The following ACO2 variants were observed in gnomAD, a reference collection of about 807,000 sequenced individuals.
ACO2 encodes aconitase 2.
In ACO2, 31 loss-of-function variants were observed where a neutral mutation model predicts 84.5. The observed-to-expected ratio is 0.37, with a 90% CI of 0.28 to 0.50. ACO2 has a LOEUF of 0.50. ACO2 is among the 20% of genes least tolerant of loss of function. ACO2 has a pLI of 0.97. For missense variants in ACO2, 685 were observed against 1,029.3 expected, an observed-to-expected ratio of 0.67 and a Z score of 4.58; for synonymous variants, 414 against 412.7, an observed-to-expected ratio of 1.00 and a Z score of -0.04.
chr22:41,527,805 G>A, intron 16 of ACO2, 96 bp from the exon 17 acceptor site: 1 of 1,585,438 alleles, frequency 6.3e-7, no homozygotes, highest in Non-Finnish European at 8.6e-7. Context: ...CAGGCAGCAG[G>A]ATTAGGGGCA....
chr22:41,486,513 C>T (rs1178055855), intron 1 of ACO2, among the ~76,000 whole-genome samples: 1 of 149,876 alleles, frequency 6.7e-6, no homozygotes, highest in Non-Finnish European at 1.5e-5. Flanking sequence ...CTCTGTCGCC[C>T]AGGCTGGAGT....
intron 1 of ACO2, among the ~76,000 whole-genome samples, chr22:41,474,209 G>C (rs1199159580): frequency 6.6e-6 from 1 of 151,896 alleles, no homozygotes; most frequent in Non-Finnish European, 1.5e-5. Flanking sequence ...TAGAGAATAA[G>C]GGTGACTCCT....
chr22:41,469,387 T>G, intron 1 of ACO2: 6 of 517,322 alleles, frequency 1.2e-5, no homozygotes, highest in East Asian at 1.0e-4. Context: ...CCTGGCCCTG[T>G]CCCTGCCTCG....
intron 1 of ACO2, among the ~76,000 whole-genome samples, chr22:41,481,291 C>T (rs181556655): frequency 2.2e-4 from 33 of 152,282 alleles, no homozygotes; most frequent in Middle Eastern, 3.4e-3. Context: ...TCCATGATGG[C>T]ACTCTGACAA....
In ACO2 at chr22:41,528,797, A is replaced by G; in HGVS notation, c.*184A>G. 1 of 785,990 alleles carries G rather than the reference A, an allele frequency of 1.3e-6. No individual in the cohort carries two copies. Among genetic ancestry groups the G allele is most frequent in the Admixed American group, 3.2e-5 (1 of 31,692 alleles). The allele number at this position is 785,990 out of a possible 1,614,324, so 48.7% of individuals were successfully genotyped here. ...GGGGGGGTTCTTAAAATAACTTTTTAGCCCCCGTCTTCCTATTTTGAGTTT... is the reference window on the plus strand; with the variant it reads ...GGGGGGGTTCTTAAAATAACTTTTTGGCCCCCGTCTTCCTATTTTGAGTTT... On this transcript the variant is annotated 3_prime_UTR_variant, in exon 18 of 18. Coordinates refer to ENST00000216254, the MANE Select transcript of ACO2 (RefSeq NM_001098.3).
At chr22:41,475,316 G>A (rs2038000072) in intron 1 of ACO2, among the ~76,000 whole-genome samples, 1 of 151,796 alleles carries the variant, frequency 6.6e-6, no homozygotes, top group South Asian at 2.1e-4. Context: ...GGGACTAGAG[G>A]CATGTGGCAC....
Position 41,511,800 on chromosome 22 carries a change from G to A in ACO2, c.433-76G>A, listed in dbSNP as rs1159727085. The A allele has an allele frequency of 5.7e-6, 6 of 1,045,692 alleles. No individual in the cohort carries two copies. In the Admixed American group the frequency reaches 1.2e-4, roughly 20 times the overall value. 64.8% of individuals were successfully genotyped at this position (1,045,692 alleles called of 1,614,324 possible). On this transcript the variant is annotated intron_variant, in intron 3 of 17. Transcript: ENST00000216254. The stretch of plus-strand genomic sequence containing the variant: ...TCAGAGTCAGAAGGGAGGCTGATGG[G>A]GTGGGGAGGGCTTGGTGAGGGTCAC...
At chr22:41,475,573 T>C (rs1318252276) in intron 1 of ACO2, among the ~76,000 whole-genome samples, 1 of 151,998 alleles carries the variant, frequency 6.6e-6, no homozygotes, top group Non-Finnish European at 1.5e-5. Flanking sequence ...AGGAAGGTAT[T>C]GTAGAGAGAC....
intron 1 of ACO2, among the ~76,000 whole-genome samples, chr22:41,482,073 G>A (rs2038094565): frequency 6.6e-6 from 1 of 152,208 alleles, no homozygotes; most frequent in Admixed American, 6.5e-5. Flanking sequence ...TAGCCGTGTG[G>A]TGCCTGGCTC....
rs1194681742 is a variant in ACO2 at position 41,507,775 on chromosome 22, G to A, written c.174-16G>A. ...GCAGCTAGCACCAGGCCACCCTTCT[G>A]CTCTTCTCCCCACAGACTGAACCGG... On this transcript the variant is annotated splice_polypyrimidine_tract_variant and intron_variant, in intron 2 of 17. Transcript: ENST00000216254. The A allele has an allele frequency of 1.9e-6, 3 of 1,608,622 alleles. No individual in the cohort carries two copies. The Admixed American group carries it at 5.0e-5, about 27-fold the overall frequency.
chr22:41,526,062 G>A, intron 14 of ACO2, 200 bp from the exon 15 acceptor site: 1 of 539,832 alleles, frequency 1.9e-6, no homozygotes, highest in Non-Finnish European at 3.3e-6. Flanking sequence ...CCTTTGAGGG[G>A]ATGAAGGCCT....
At chr22:41,474,534 C>G (rs1053276275) in intron 1 of ACO2, among the ~76,000 whole-genome samples, 2 of 148,098 alleles carry the variant, frequency 1.4e-5, no homozygotes, top group Non-Finnish European at 3.0e-5. Context: ...ACCTCATGAT[C>G]CGCCCGCCTC....
At chr22:41,509,422 A>G (rs1203551935) in intron 3 of ACO2, among the ~76,000 whole-genome samples, 1 of 152,152 alleles carries the variant, frequency 6.6e-6, no homozygotes, top group African/African-American at 2.4e-5. Context: ...ACACTAAACA[A>G]TGGCCGAGGT....
intron 1 of ACO2, among the ~76,000 whole-genome samples, chr22:41,493,800 T>G (rs1473700951): frequency 6.6e-6 from 1 of 152,176 alleles, no homozygotes; most frequent in Non-Finnish European, 1.5e-5. Context: ...GGCTCACACC[T>G]GTAATCCCAG....
At chr22:41,514,104 C>T (rs1461982810) in intron 4 of ACO2, among the ~76,000 whole-genome samples, 1 of 152,226 alleles carries the variant, frequency 6.6e-6, no homozygotes, top group Non-Finnish European at 1.5e-5. Flanking sequence ...CAGGTCTTCC[C>T]TCTGCATCCC....
chr22:41,491,751 G>A (rs79835085), intron 1 of ACO2, among the ~76,000 whole-genome samples: 10 of 152,332 alleles, frequency 6.6e-5, no homozygotes, highest in Non-Finnish European at 1.5e-4. Context: ...AGCACTTTAT[G>A]TAGATGATTT....
intron 14 of ACO2, chr22:41,525,878 G>A (rs532098511): frequency 9.9e-5 from 21 of 211,762 alleles, no homozygotes; most frequent in Non-Finnish European, 2.0e-4. Context: ...AGGCACCCCT[G>A]TGACAGAAGA....
At chr22:41,509,213 C>T (rs948818912) in intron 3 of ACO2, among the ~76,000 whole-genome samples, 3 of 152,300 alleles carry the variant, frequency 2.0e-5, no homozygotes, top group East Asian at 3.9e-4. Flanking sequence ...CCTTCTGGGG[C>T]TGGCTTTCTG....
At chr22:41,522,779 C>G in intron 9 of ACO2, 51 bp from the exon 10 acceptor site, 2 of 1,592,838 alleles carry the variant, frequency 1.3e-6, no homozygotes, top group Non-Finnish European at 1.7e-6. Context: ...GTGGAGACCT[C>G]TGCTCACTGT....
Sources: gnomAD v4.1 joint callset for allele counts (sites outside exome capture counted in the v4.1 genomes callset) on GRCh38, gnomAD v4.1.1 for gene constraint, MANE v1.5 for transcripts, NCBI Gene and HGNC (gene_info 2026-07-23, HGNC 2026-07-21) for gene names.